Variants in BBS9 observed in about 807,000 individuals in gnomAD.
The protein encoded by BBS9 is protein PTHB1.
A neutral mutation model predicts 117.7 loss-of-function variants in BBS9; 89 were observed. The observed-to-expected ratio is 0.76, with a 90% CI of 0.64 to 0.90. BBS9 has a LOEUF of 0.90. Among genes scored for constraint, BBS9 ranks in the 40% least tolerant of loss-of-function variants. BBS9 has a pLI of 0.00. For synonymous variants in BBS9, 379 were observed against 370.9 expected (o/e 1.02, Z -0.25); for missense variants, 982 against 1,042.2 (o/e 0.94, Z 0.80).
chr7:33,476,337 C>T (rs1299571833), intron 19 of BBS9, among the ~76,000 whole-genome samples: 1 of 152,138 alleles, frequency 6.6e-6, no homozygotes, highest in East Asian at 1.9e-4. Flanking sequence ...CTGAGCCATT[C>T]CTCACCCTTC....
intron 19 of BBS9, among the ~76,000 whole-genome samples, chr7:33,457,041 C>T (rs1418722730): frequency 1.3e-5 from 2 of 152,138 alleles, no homozygotes; most frequent in Non-Finnish European, 2.9e-5. Flanking sequence ...GTCTACTTGG[C>T]CCCTAAGAGG....
At chr7:33,492,231 AAAAAC>A (rs1844077375) in intron 19 of BBS9, among the ~76,000 whole-genome samples, 1 of 151,662 alleles carries the variant, frequency 6.6e-6, no homozygotes, top group Non-Finnish European at 1.5e-5. Context: ...AAAACAAAAA[AAAAAC>A]TTGGTTGAGT....
In BBS9 at chr7:33,164,080, C is replaced by T. The variant is rs1304573598; in HGVS notation, c.328+8378C>T. ...AACATCTTTATTTCTGCCTTCATTT[C>T]GTTATGTACCCAGTAGTCATTCAGG... On this transcript the variant is annotated intron_variant, in intron 4 of 22. Coordinates refer to ENST00000242067, the MANE Select transcript of BBS9 (RefSeq NM_198428.3). 5.9e-5 allele frequency among the ~76,000 whole-genome samples: 9 copies of T among 152,216 alleles called. No homozygotes were observed. The East Asian group carries it at 9.6e-4, about 16-fold the overall frequency.
intron 4 of BBS9, 75 bp from the exon 5 acceptor site, chr7:33,177,403 G>C: frequency 1.1e-6 from 1 of 945,528 alleles, no homozygotes; most frequent in Non-Finnish European, 1.7e-6. Context: ...CTTAGAATCG[G>C]AGTAGTGGAT....
intron 21 of BBS9, among the ~76,000 whole-genome samples, chr7:33,557,322 GA>G (rs1443350224): frequency 2.6e-5 from 4 of 152,024 alleles, no homozygotes; most frequent in Non-Finnish European, 5.9e-5. Flanking sequence ...GTAGCTTTTC[GA>G]ATTAGCTAGA....
intron 19 of BBS9, among the ~76,000 whole-genome samples, chr7:33,403,668 G>A (rs1829369138): frequency 1.3e-5 from 2 of 151,790 alleles, no homozygotes; most frequent in African/African-American, 4.8e-5. Context: ...TGGCTGCGTA[G>A]TATTCCATGG....
chr7:33,611,499 A>G (rs915880120), intron 21 of BBS9, among the ~76,000 whole-genome samples: 5 of 142,492 alleles, frequency 3.5e-5, no homozygotes, highest in Non-Finnish European at 7.6e-5. Context: ...AATATTATAT[A>G]TAAGGTATAT....
intron 21 of BBS9, among the ~76,000 whole-genome samples, chr7:33,568,491 C>G (rs1352180035): frequency 1.3e-5 from 2 of 152,138 alleles, no homozygotes; most frequent in Non-Finnish European, 2.9e-5. Context: ...ACTGTAAGTT[C>G]CTTAAGGTTA....
intron 1 of BBS9, among the ~76,000 whole-genome samples, chr7:33,141,772 T>TC (rs1223424711): frequency 6.6e-6 from 1 of 152,158 alleles, no homozygotes; most frequent in Non-Finnish European, 1.5e-5. Flanking sequence ...AGTTACACCC[T>TC]CCTGTAAACC....
At chr7:33,348,136 C>T (rs1817940420) in intron 12 of BBS9, among the ~76,000 whole-genome samples, 1 of 152,064 alleles carries the variant, frequency 6.6e-6, no homozygotes, top group South Asian at 2.1e-4. Context: ...AAATGCCATA[C>T]CCATTAGCTG....
intron 5 of BBS9, among the ~76,000 whole-genome samples, chr7:33,216,292 G>A (rs1244840581): frequency 6.6e-6 from 1 of 152,170 alleles, no homozygotes; most frequent in Non-Finnish European, 1.5e-5. Flanking sequence ...TCTTCCATTA[G>A]TAGCAGAAAT....
intron 5 of BBS9, among the ~76,000 whole-genome samples, chr7:33,253,577 A>T (rs1796560942): frequency 6.6e-6 from 1 of 152,206 alleles, no homozygotes; most frequent in Non-Finnish European, 1.5e-5. Context: ...GTGCCACTGC[A>T]CTCCAGCCTG....
chr7:33,365,261 A>C (rs986142614), intron 16 of BBS9, among the ~76,000 whole-genome samples: 3 of 152,032 alleles, frequency 2.0e-5, no homozygotes, highest in Non-Finnish European at 2.9e-5. Context: ...CCATACTTTG[A>C]TGCCGGCACA....
Position 33,514,367 on chromosome 7 carries a change from G to A in BBS9, c.2298+8722G>A, listed in dbSNP as rs1037587646. The stretch of plus-strand genomic sequence containing the variant: ...GTACAGAAGGGGAACATGATATTAA[G>A]AAAGTTAATGAATATGGTTCTTTAG... On this transcript the variant is annotated intron_variant, in intron 20 of 22. Coordinates refer to ENST00000242067, the MANE Select transcript of BBS9 (RefSeq NM_198428.3). 2.6e-5 allele frequency among the ~76,000 whole-genome samples: 4 copies of A among 152,176 alleles called. No homozygotes were observed. The South Asian group carries it at 6.2e-4, about 24-fold the overall frequency.
intron 19 of BBS9, among the ~76,000 whole-genome samples, chr7:33,453,666 C>G (rs887153870): frequency 3.3e-5 from 5 of 151,976 alleles, no homozygotes; most frequent in Non-Finnish European, 7.4e-5. Flanking sequence ...GGATTACAGG[C>G]ATGCACCACC....
chr7:33,468,880 A>C (rs1320500888), intron 19 of BBS9, among the ~76,000 whole-genome samples: 1 of 152,106 alleles, frequency 6.6e-6, no homozygotes, highest in Non-Finnish European at 1.5e-5. Context: ...GTGTATATAT[A>C]TCATATTTTC....
At chr7:33,271,305 A>T (rs1799749663) in intron 7 of BBS9, among the ~76,000 whole-genome samples, 1 of 152,216 alleles carries the variant, frequency 6.6e-6, no homozygotes, top group Admixed American at 6.5e-5. Flanking sequence ...AAGCAGCCAT[A>T]CAAACAAGTC....
chr7:33,421,995 A>G (rs1361044990), intron 19 of BBS9, among the ~76,000 whole-genome samples: 1 of 152,184 alleles, frequency 6.6e-6, no homozygotes, highest in Non-Finnish European at 1.5e-5. Flanking sequence ...CCAGAAAATC[A>G]TAGTTTAAAT....
chr7:33,224,612 A>G (rs1790895950), intron 5 of BBS9, among the ~76,000 whole-genome samples: 1 of 151,862 alleles, frequency 6.6e-6, no homozygotes, highest in African/African-American at 2.4e-5. Context: ...TCACCTCCCC[A>G]CCGATCTTCT....
Sources: gnomAD v4.1 joint callset for allele counts (sites outside exome capture counted in the v4.1 genomes callset) on GRCh38, gnomAD v4.1.1 for gene constraint, MANE v1.5 for transcripts, NCBI Gene and HGNC (gene_info 2026-07-23, HGNC 2026-07-21) for gene names.